The following MSH4 variants were observed in gnomAD, a reference collection of about 807,000 sequenced individuals.
MSH4 encodes the protein mutS homolog 4.
A neutral mutation model predicts 113.7 loss-of-function variants in MSH4; 106 were observed. The observed-to-expected ratio is 0.93, with a 90% CI of 0.80 to 1.10. The LOEUF (loss-of-function observed/expected upper bound fraction) is 1.10. Among genes scored for constraint, MSH4 ranks in the 50% least tolerant of loss-of-function variants. MSH4 has a pLI of 0.00. For missense variants in MSH4, 1,061 were observed against 1,093.7 expected, an observed-to-expected ratio of 0.97 and a Z score of 0.42; for synonymous variants, 368 against 380.2, an observed-to-expected ratio of 0.97 and a Z score of 0.37.
chr1:75,902,735 A>G lies in MSH4; in HGVS notation c.2619+3029A>G, dbSNP rs1436462638. Among the ~76,000 whole-genome samples the G allele has an allele frequency of 1.0e-4, 10 of 96,188 alleles. No individual in the cohort carries two copies. The East Asian group carries it at 1.7e-3, about 16-fold the overall frequency. 63.1% of individuals were successfully genotyped at this position (96,188 alleles called of 152,430 possible). Reference sequence around the variant, plus strand: ...TATATATATATATATATATATATATAGTTCTTTTAGTTCTTTGAGAAATCT... The same window carrying G: ...TATATATATATATATATATATATATGGTTCTTTTAGTTCTTTGAGAAATCT... On this transcript the variant is annotated intron_variant, in intron 19 of 19. Coordinates refer to ENST00000263187, the MANE Select transcript of MSH4 (RefSeq NM_002440.4).
chr1:75,880,214 C>T, intron 13 of MSH4, 61 bp downstream of exon 13: 1 of 862,096 alleles, frequency 1.2e-6, no homozygotes, highest in South Asian at 1.7e-5. Context: ...GAAACTGTTA[C>T]AATTGTATTA....
intron 8 of MSH4, among the ~76,000 whole-genome samples, chr1:75,859,121 AT>A (rs565512642): frequency 5.3e-5 from 8 of 152,118 alleles, no homozygotes; most frequent in Non-Finnish European, 1.2e-4. Flanking sequence ...CCACTTTATC[AT>A]TTTTTATTGC....
At position 75,843,646 on chromosome 1, in the gene MSH4, A is replaced by G. The variant is rs574808988; in HGVS notation, c.1163-4563A>G. 6.6e-5 allele frequency among the ~76,000 whole-genome samples: 10 copies of G among 152,292 alleles called. No homozygotes were observed. The East Asian group carries it at 1.7e-3, about 26-fold the overall frequency. On this transcript the variant is annotated intron_variant, in intron 7 of 19. Coordinates refer to ENST00000263187, the MANE Select transcript of MSH4 (RefSeq NM_002440.4). ...CCTTAGGTAGGAATTTGGGCCAGAT[A>G]CAAAATCAGAGCTTAGGCCTCAAAA...
chr1:75,888,607 TTC>T (rs1273559528), intron 15 of MSH4, among the ~76,000 whole-genome samples: 4 of 26,532 alleles, frequency 1.5e-4, no homozygotes, highest in Non-Finnish European at 9.7e-4. Context: ...ATTTTCATAT[TTC>T]TTTTTTTAAT....
intron 19 of MSH4, among the ~76,000 whole-genome samples, chr1:75,910,990 T>C (rs1423629771): frequency 6.6e-6 from 1 of 152,110 alleles, no homozygotes; most frequent in Non-Finnish European, 1.5e-5. Context: ...CAGAAACTTT[T>C]AATGATTTAT....
In MSH4 at chr1:75,890,830, CTTTTA is replaced by C. The variant is rs1652235988; in HGVS notation, c.2355+12_2355+16del. On this transcript the variant is annotated splice_region_variant and intron_variant, in intron 17 of 19. Coordinates refer to ENST00000263187, the MANE Select transcript of MSH4 (RefSeq NM_002440.4). ...AATATCTACTGAGCTTAAAGGTATT[CTTTTA>C]TTTTAAGTATATTGATTTTGAGTCC... The C allele has an allele frequency of 2.6e-6, 4 of 1,537,428 alleles. No homozygotes were observed. Among genetic ancestry groups the C allele is most frequent in the Non-Finnish European group, 2.7e-6 (3 of 1,121,108 alleles).
Position 75,880,076 on chromosome 1 carries a change from C to A in MSH4, c.1704C>A (p.Ser568Arg). The change falls in exon 13 of 20, where the codon AGC (serine) becomes AGA (arginine). Residue 568 changes from serine (S) to arginine (R), a missense_variant. Transcript: ENST00000263187. ...TTTCTAAAGTGAAAAATTCTTACAG[C>A]TTTACATCAGCAGATTTAATTAAAA... The part of the protein sequence containing the change: ...IKISKVKNSY[S>R]FTSADLIKMN... 6.3e-7 allele frequency: 1 copy of A among 1,593,376 alleles called. No individual in the cohort carries two copies. Among genetic ancestry groups the A allele is most frequent in the Non-Finnish European group, 8.6e-7 (1 of 1,167,548 alleles).
intron 2 of MSH4, among the ~76,000 whole-genome samples, chr1:75,804,141 A>C (rs1650004175): frequency 6.6e-6 from 1 of 152,216 alleles, no homozygotes; most frequent in Non-Finnish European, 1.5e-5. Flanking sequence ...AACCATTCTG[A>C]CAAAAAAACA....
chr1:75,832,973 T>C (rs1364801270), intron 7 of MSH4, among the ~76,000 whole-genome samples: 2 of 152,126 alleles, frequency 1.3e-5, no homozygotes, highest in Non-Finnish European at 2.9e-5. Flanking sequence ...GGTATTCAAT[T>C]AGGAAAAGAG....
intron 7 of MSH4, among the ~76,000 whole-genome samples, chr1:75,830,975 A>G (rs1011415576): frequency 6.6e-6 from 1 of 152,222 alleles, no homozygotes; most frequent in Admixed American, 6.5e-5. Flanking sequence ...AAATGCTCCA[A>G]TTAAAAGACA....
chr1:75,806,423 A>G (rs1020956717), intron 2 of MSH4, among the ~76,000 whole-genome samples: 118 of 151,040 alleles, frequency 7.8e-4, no homozygotes, highest in African/African-American at 2.7e-3. Context: ...AATTTTTTGT[A>G]TTTTTAGTAG....
At chr1:75,834,166 G>C (rs549426426) in intron 7 of MSH4, among the ~76,000 whole-genome samples, 8 of 152,242 alleles carry the variant, frequency 5.3e-5, no homozygotes, top group Non-Finnish European at 1.2e-4. Context: ...GCATCCAACA[G>C]ACACATGAAA....
intron 7 of MSH4, among the ~76,000 whole-genome samples, chr1:75,823,828 A>G (rs1013854125): frequency 7.9e-5 from 12 of 152,154 alleles, no homozygotes; most frequent in African/African-American, 2.9e-4. Context: ...ATGGCTGCAT[A>G]GTATTCCATG....
chr1:75,843,622 C>T (rs1651014715), intron 7 of MSH4, among the ~76,000 whole-genome samples: 1 of 152,086 alleles, frequency 6.6e-6, no homozygotes, highest in Non-Finnish European at 1.5e-5. Flanking sequence ...CCCTAGACCC[C>T]TTAGGTAGGA....
intron 19 of MSH4, 97 bp downstream of exon 19, chr1:75,899,803 TATA>T (rs1242598357): frequency 1.5e-5 from 5 of 342,416 alleles, no homozygotes; most frequent in Non-Finnish European, 2.5e-5. Flanking sequence ...TAATAATTAA[TATA>T]ATAATTAAAA....
Position 75,803,785 on chromosome 1 carries a change from T to G in MSH4, c.299T>G (p.Phe100Cys), listed in dbSNP as rs2100502638. The G allele has an allele frequency of 2.5e-6, 4 of 1,604,370 alleles. No homozygotes were observed. In the African/African-American group the frequency reaches 5.4e-5, roughly 22 times the overall value. The change falls in exon 2 of 20, where the codon TTT (phenylalanine) becomes TGT (cysteine). Residue 100 changes from phenylalanine to cysteine, a missense_variant. Phe to Cys is a radical substitution (Grantham distance 205). Transcript: ENST00000263187. ...AYAENTVASN[F>C]TFGASSSSAR... ...GCAGAAAACACAGTTGCATCAAATT[T>G]TACTTTTGGTGCAAGCTCATCTTCT...
intron 8 of MSH4, among the ~76,000 whole-genome samples, chr1:75,854,267 G>A (rs916778810): frequency 6.6e-6 from 1 of 151,522 alleles, no homozygotes; most frequent in African/African-American, 2.4e-5. Context: ...GATATATTCA[G>A]GAGGAATACC....
intron 15 of MSH4, among the ~76,000 whole-genome samples, chr1:75,888,548 C>T (rs1293869645): frequency 2.6e-5 from 4 of 151,344 alleles, no homozygotes; most frequent in Non-Finnish European, 4.4e-5. Flanking sequence ...TTCTTTATAT[C>T]TTTTTATAAT....
At chr1:75,823,318 C>G (rs1650472407) in intron 7 of MSH4, among the ~76,000 whole-genome samples, 1 of 152,180 alleles carries the variant, frequency 6.6e-6, no homozygotes, top group Non-Finnish European at 1.5e-5. Flanking sequence ...TAACAGATAC[C>G]CGGAGTTAAG....
Sources: allele counts gnomAD v4.1 joint callset (sites outside exome capture counted in the v4.1 genomes callset), GRCh38; gene constraint gnomAD v4.1.1; transcripts MANE v1.5; gene names NCBI Gene and HGNC (gene_info 2026-07-23, HGNC 2026-07-21).